The following RALGPS2 variants were observed in gnomAD, a reference collection of about 807,000 sequenced individuals.
The protein encoded by RALGPS2 is Ral GEF with PH domain and SH3 binding motif 2, also known as ras-specific guanine nucleotide-releasing factor RalGPS2.
A neutral mutation model predicts 86.8 loss-of-function variants in RALGPS2; 43 were observed. The observed-to-expected ratio is 0.50, with a 90% CI of 0.39 to 0.64. The LOEUF (loss-of-function observed/expected upper bound fraction) is 0.64. Ranked by LOEUF, RALGPS2 falls within the 30% of genes least tolerant of loss-of-function variation. The pLI, the probability that RALGPS2 is intolerant of heterozygous loss-of-function variation, is 0.00. For missense variants in RALGPS2, 536 were observed against 694.6 expected (o/e 0.77, Z 2.57); for synonymous variants, 243 against 231.3 (o/e 1.05, Z -0.46).
At chr1:178,816,181 C>T (rs189816243) in intron 6 of RALGPS2, among the ~76,000 whole-genome samples, 128 of 152,230 alleles carry the variant, frequency 8.4e-4, no homozygotes, top group Admixed American at 1.7e-3. Flanking sequence ...GTTGGTTTTA[C>T]CACTTTAAAT....
chr1:178,919,500 GA>G lies in RALGPS2; in HGVS notation c.*3147del, dbSNP rs1660915584. ...CTAGGAAGCACTATTGGTACAGGAG[GA>G]AAAAAGAATGGAAAACATGTTTACA... On this transcript the variant is annotated 3_prime_UTR_variant, in exon 20 of 20. Coordinates refer to ENST00000367635, the MANE Select transcript of RALGPS2 (RefSeq NM_152663.5). The G allele has an allele frequency of 6.6e-6, 1 of 151,864 alleles. No homozygotes were observed. The highest frequency in any genetic ancestry group is 1.5e-5 in the Non-Finnish European group (1 of 67,852). The allele number at this position is 151,864 out of a possible 1,614,324, so 9.4% of individuals were successfully genotyped here. A position where few individuals can be genotyped will look rare whatever the true frequency, so the allele number is the denominator to read the frequency against.
At chr1:178,843,480 A>C in intron 8 of RALGPS2, among the ~76,000 whole-genome samples, 1 of 136,944 alleles carries the variant, frequency 7.3e-6, no homozygotes, top group African/African-American at 2.7e-5. Context: ...AGGAAGGGGA[A>C]TATCACACTC....
chr1:178,797,084 T>G (rs1248641783), intron 4 of RALGPS2, among the ~76,000 whole-genome samples: 2 of 152,232 alleles, frequency 1.3e-5, no homozygotes, highest in Admixed American at 1.3e-4. Flanking sequence ...GTTTTATTCC[T>G]AAGTCATACC....
At chr1:178,874,442 G>A (rs1229072517) in intron 8 of RALGPS2, among the ~76,000 whole-genome samples, 1 of 152,104 alleles carries the variant, frequency 6.6e-6, no homozygotes, top group Non-Finnish European at 1.5e-5. Flanking sequence ...ACAGTATAGC[G>A]AGTGACTACA....
At chr1:178,760,307 C>T (rs1652170474) in intron 1 of RALGPS2, among the ~76,000 whole-genome samples, 1 of 152,168 alleles carries the variant, frequency 6.6e-6, no homozygotes, top group Non-Finnish European at 1.5e-5. Flanking sequence ...CCCACTACTA[C>T]TTGTGTGGCT....
intron 8 of RALGPS2, chr1:178,851,292 C>G: frequency 6.2e-7 from 1 of 1,610,066 alleles, no homozygotes; most frequent in Non-Finnish European, 8.5e-7. Context: ...CCACCAGCCT[C>G]CTTTATGAAA....
At chr1:178,856,202 G>GATATATATAT (rs55797277) in intron 8 of RALGPS2, among the ~76,000 whole-genome samples, 96 of 83,880 alleles carry the variant, frequency 1.1e-3, no homozygotes, top group African/African-American at 4.8e-3. Flanking sequence ...GAGAGAGAGA[G>GATATATATAT]ATATATATAT....
chr1:178,745,822 C>CTTTT (rs34277622), intron 1 of RALGPS2, among the ~76,000 whole-genome samples: 109 of 86,084 alleles, frequency 1.3e-3, no homozygotes, highest in African/African-American at 2.5e-3. Flanking sequence ...TTCAATTCTT[C>CTTTT]TTTTTTTTTT....
intron 4 of RALGPS2, among the ~76,000 whole-genome samples, chr1:178,797,985 T>TAAAAAA (rs57049056): frequency 3.9e-4 from 37 of 95,416 alleles, no homozygotes; most frequent in African/African-American, 1.2e-3. Flanking sequence ...CAACAATTTG[T>TAAAAAA]AAAAAAAAAA....
chr1:178,802,556 T>C (rs1654529770), intron 4 of RALGPS2, among the ~76,000 whole-genome samples: 1 of 152,208 alleles, frequency 6.6e-6, no homozygotes, highest in Non-Finnish European at 1.5e-5. Context: ...GAACTGCTCA[T>C]GTGGAGATAA....
intron 6 of RALGPS2, among the ~76,000 whole-genome samples, chr1:178,815,563 C>G (rs1221381564): frequency 6.6e-6 from 1 of 152,044 alleles, no homozygotes; most frequent in Non-Finnish European, 1.5e-5. Context: ...TTGGTCTGTT[C>G]TGGCTGCTAT....
At chr1:178,839,663 T>C (rs1321600016) in intron 8 of RALGPS2, among the ~76,000 whole-genome samples, 2 of 152,108 alleles carry the variant, frequency 1.3e-5, no homozygotes, top group Admixed American at 1.3e-4. Context: ...CACATAACAA[T>C]ATTAACTAAA....
chr1:178,830,369 A>G (rs1655959964), intron 7 of RALGPS2, among the ~76,000 whole-genome samples: 1 of 152,168 alleles, frequency 6.6e-6, no homozygotes. Context: ...TGATTCCTGC[A>G]GTTTTAGACA....
chr1:178,790,268 T>G (rs1436567165), intron 4 of RALGPS2, among the ~76,000 whole-genome samples: 1 of 152,170 alleles, frequency 6.6e-6, no homozygotes, highest in African/African-American at 2.4e-5. Flanking sequence ...TCTTAATGTA[T>G]TAGTCTCGTG....
At chr1:178,754,378 T>C (rs977026696) in intron 1 of RALGPS2, among the ~76,000 whole-genome samples, 3 of 152,114 alleles carry the variant, frequency 2.0e-5, no homozygotes, top group Non-Finnish European at 4.4e-5. Flanking sequence ...ACAGTTAATA[T>C]GTAATTCCTG....
intron 1 of RALGPS2, among the ~76,000 whole-genome samples, chr1:178,768,955 G>A (rs912301311): frequency 1.3e-5 from 2 of 152,164 alleles, no homozygotes; most frequent in Non-Finnish European, 2.9e-5. Context: ...CATGCACCAG[G>A]ATCTCTGCAC....
chr1:178,762,626 T>A (rs1365564987), intron 1 of RALGPS2, among the ~76,000 whole-genome samples: 1 of 152,236 alleles, frequency 6.6e-6, no homozygotes, highest in African/African-American at 2.4e-5. Context: ...CATTTTTTCA[T>A]ATGCTTATTG....
At chr1:178,837,846 C>T (rs1451215409) in intron 8 of RALGPS2, among the ~76,000 whole-genome samples, 1 of 152,168 alleles carries the variant, frequency 6.6e-6, no homozygotes, top group Non-Finnish European at 1.5e-5. Flanking sequence ...GCACTTTTTC[C>T]AGAGGTCTTA....
intron 16 of RALGPS2, among the ~76,000 whole-genome samples, chr1:178,897,173 AAC>A (rs1192853019): frequency 5.3e-5 from 8 of 151,946 alleles, no homozygotes; most frequent in African/African-American, 1.9e-4. Context: ...GCAGCCAAAA[AAC>A]ACATGAAAAA....
Sources: allele counts gnomAD v4.1 joint callset (sites outside exome capture counted in the v4.1 genomes callset), GRCh38; gene constraint gnomAD v4.1.1; transcripts MANE v1.5; gene names NCBI Gene and HGNC (gene_info 2026-07-23, HGNC 2026-07-21).